The following EPB41L3 variants were observed in gnomAD, a reference collection of about 807,000 sequenced individuals.
EPB41L3 encodes the protein band 4.1-like protein 3.
Under a neutral mutation model 127.1 loss-of-function variants are expected in EPB41L3, and 57 were observed. The ratio of observed to expected loss-of-function variants is 0.45; its 90% CI spans 0.36 to 0.56. EPB41L3 has a LOEUF of 0.56. Ranked by LOEUF, EPB41L3 falls within the 20% of genes least tolerant of loss-of-function variation. The pLI, the probability that EPB41L3 is intolerant of heterozygous loss-of-function variation, is 0.00. For synonymous variants in EPB41L3, 572 were observed against 549.5 expected (o/e 1.04, Z -0.57); for missense variants, 1,273 against 1,372.2 (o/e 0.93, Z 1.14).
intron 1 of EPB41L3, among the ~76,000 whole-genome samples, chr18:5,516,666 G>A (rs1050038149): frequency 2.6e-5 from 4 of 152,128 alleles, no homozygotes; most frequent in Non-Finnish European, 5.9e-5. Context: ...TTGCAGGATT[G>A]GCCTAAGCAA....
intron 3 of EPB41L3, among the ~76,000 whole-genome samples, chr18:5,449,754 G>A (rs551536592): frequency 1.1e-4 from 16 of 152,292 alleles, no homozygotes; most frequent in African/African-American, 3.6e-4. Flanking sequence ...AACGACATCA[G>A]TCTCCCATTG....
upstream of EPB41L3, among the ~76,000 whole-genome samples, chr18:5,545,010 A>G (rs992471315): frequency 4.6e-5 from 7 of 151,018 alleles, no homozygotes; most frequent in African/African-American, 7.4e-5. Context: ...CATAAGATAC[A>G]TATATAGTAA....
At position 5,497,373 on chromosome 18, in the gene EPB41L3, G is replaced by C. The variant is rs113612211; in HGVS notation, c.-11-8179C>G. Among the ~76,000 whole-genome samples, 321 of 152,304 alleles carry C rather than the reference G, an allele frequency of 2.1e-3. 1 individual carries two copies. The highest frequency in any genetic ancestry group is 7.3e-3 in the African/African-American group (303 of 41,560). ...GTGACTAGGGGATGGCAACAGTCCA[G>C]GTGAGGGAAAATGCCAGAGCAAGGT... is the stretch of plus-strand genomic sequence containing the variant. On this transcript the variant is annotated intron_variant, in intron 1 of 22. Coordinates refer to ENST00000341928, the MANE Select transcript of EPB41L3 (RefSeq NM_012307.5).
chr18:5,572,782 C>T (rs2094297126), intron 3 of EPB41L3, among the ~76,000 whole-genome samples: 3 of 152,136 alleles, frequency 2.0e-5, no homozygotes, highest in African/African-American at 7.2e-5. Context: ...CTATGTTGCC[C>T]AGGCTTATCT....
intron 5 of EPB41L3, among the ~76,000 whole-genome samples, chr18:5,441,355 G>C (rs2080695777): frequency 6.6e-6 from 1 of 152,084 alleles, no homozygotes; most frequent in South Asian, 2.1e-4. Flanking sequence ...AATTACATTA[G>C]ATAAGGTAAT....
intron 3 of EPB41L3, among the ~76,000 whole-genome samples, chr18:5,608,736 G>A (rs1463079666): frequency 2.6e-5 from 4 of 152,080 alleles, no homozygotes; most frequent in African/African-American, 9.7e-5. Flanking sequence ...TAAGAGGAGA[G>A]GGGAGATGAG....
intron 3 of EPB41L3, among the ~76,000 whole-genome samples, chr18:5,451,641 T>C (rs11081195): frequency 0.31 from 46,651 of 152,176 alleles, 8,238 homozygotes; most frequent in East Asian, 0.47. Flanking sequence ...TCAAATGCCA[T>C]TGAGAGATTA....
upstream of EPB41L3, chr18:5,630,228 C>T (rs1412302719): frequency 5.4e-6 from 2 of 371,570 alleles, no homozygotes; most frequent in Non-Finnish European, 1.0e-5. Flanking sequence ...GGCCAGGCAG[C>T]CCCCGGTCGG....
chr18:5,421,390 C>G (rs4798355), intron 11 of EPB41L3, among the ~76,000 whole-genome samples: 147,736 of 152,328 alleles, frequency 0.97, 71,781 homozygotes, highest in East Asian at 1. Flanking sequence ...AAAGGAGAAA[C>G]AAGAGTCAAT....
chr18:5,628,521 G>A (rs977249731), intron 1 of EPB41L3, among the ~76,000 whole-genome samples: 1 of 152,196 alleles, frequency 6.6e-6, no homozygotes, highest in African/African-American at 2.4e-5. Flanking sequence ...CCGCCCTCCC[G>A]CTACTGCGCT....
At position 5,581,957 on chromosome 18, in the gene EPB41L3, G is replaced by A. The variant is rs558538316; in HGVS notation, c.-306+30383C>T. Among the ~76,000 whole-genome samples the A allele has an allele frequency of 4.0e-4, 61 of 152,262 alleles. 1 individual carries two copies. Among genetic ancestry groups the A allele is most frequent in the Middle Eastern group, 3.4e-3 (1 of 294 alleles). ...GGCTGCAGTGAGCTATGACTGTACC[G>A]CTGCTCTCCAGCCTGGGTGTCAGAG... On this transcript the variant is annotated intron_variant, in intron 3 of 21. Transcript: ENST00000545076.
intron 3 of EPB41L3, among the ~76,000 whole-genome samples, chr18:5,591,474 T>C (rs1345896215): frequency 6.6e-6 from 1 of 152,188 alleles, no homozygotes; most frequent in African/African-American, 2.4e-5. Flanking sequence ...TAATCTCATT[T>C]ATGGGGGCTC....
intron 1 of EPB41L3, among the ~76,000 whole-genome samples, chr18:5,621,805 C>G (rs892973097): frequency 1.3e-5 from 2 of 152,122 alleles, no homozygotes; most frequent in East Asian, 3.8e-4. Flanking sequence ...AACAGTTTTT[C>G]CTAATTATTT....
At chr18:5,551,472 C>T (rs984958729) in intron 3 of EPB41L3, among the ~76,000 whole-genome samples, 1 of 152,054 alleles carries the variant, frequency 6.6e-6, no homozygotes, top group East Asian at 1.9e-4. Flanking sequence ...CTCCTGTAAT[C>T]CCAGCACTTT....
intron 9 of EPB41L3, among the ~76,000 whole-genome samples, chr18:5,427,565 C>T (rs1170929694): frequency 2.0e-5 from 3 of 152,188 alleles, no homozygotes; most frequent in Non-Finnish European, 4.4e-5. Context: ...ATAATTCACA[C>T]TAATTGTCCT....
chr18:5,467,310 A>T (rs1236494949), intron 3 of EPB41L3: 1 of 152,248 alleles, frequency 6.6e-6, no homozygotes, highest in South Asian at 2.1e-4. Flanking sequence ...TAATCATGAG[A>T]GTATAAACCA....
intron 16 of EPB41L3, among the ~76,000 whole-genome samples, chr18:5,405,026 G>C (rs911961338): frequency 1.3e-5 from 2 of 152,168 alleles, no homozygotes; most frequent in Non-Finnish European, 2.9e-5. Flanking sequence ...GGTGGTAGTC[G>C]TACTTTTCAC....
At chr18:5,407,069 T>A in intron 15 of EPB41L3, 101 bp from the exon 16 acceptor site, 1 of 1,161,694 alleles carries the variant, frequency 8.6e-7, no homozygotes, top group South Asian at 1.5e-5. Context: ...TTATTAGTAG[T>A]CAAAATAAAA....
At chr18:5,451,220 A>G (rs1181521355) in intron 3 of EPB41L3, among the ~76,000 whole-genome samples, 1 of 152,238 alleles carries the variant, frequency 6.6e-6, no homozygotes, top group Non-Finnish European at 1.5e-5. Context: ...TCCATTTTCA[A>G]GATGATGAGT....
Sources: gnomAD v4.1 joint callset for allele counts (sites outside exome capture counted in the v4.1 genomes callset) on GRCh38, gnomAD v4.1.1 for gene constraint, MANE v1.5 for transcripts, NCBI Gene and HGNC (gene_info 2026-07-23, HGNC 2026-07-21) for gene names.